Variants in SULT1C3 observed in about 807,000 individuals in gnomAD.
SULT1C3 encodes sulfotransferase family 1C member 3.
Under a neutral mutation model 28.4 loss-of-function variants are expected in SULT1C3, and 31 were observed. That is an observed-to-expected ratio of 1.09 (90% CI 0.82 to 1.47). The LOEUF is 1.47. SULT1C3 is among the 40% of genes most tolerant of loss of function. SULT1C3 has a pLI of 0.00. For synonymous variants in SULT1C3, 106 were observed against 92.2 expected (o/e 1.15, Z -0.86); for missense variants, 307 against 272.5 (o/e 1.13, Z -0.89).
intron 1 of SULT1C3, among the ~76,000 whole-genome samples, chr2:108,241,985 ACCAGGTGTGGATCCTAGGAC>A (rs1183077845): frequency 7.2e-5 from 11 of 151,942 alleles, no homozygotes; most frequent in African/African-American, 2.7e-4. Context: ...TTAATTATAT[ACCAGGTGTGGATCCTAGGAC>A]CCAGACAGAA....
downstream of SULT1C3, among the ~76,000 whole-genome samples, chr2:108,261,381 C>G (rs1444089411): frequency 6.6e-6 from 1 of 152,156 alleles, no homozygotes; most frequent in East Asian, 1.9e-4. Flanking sequence ...TGCACCATGA[C>G]TATGCATTGC....
At chr2:108,257,191 CT>C (rs1267239732) in intron 5 of SULT1C3, among the ~76,000 whole-genome samples, 1 of 151,750 alleles carries the variant, frequency 6.6e-6, no homozygotes, top group African/African-American at 2.4e-5. Context: ...TATGGGTGGT[CT>C]TTATGCAATC....
chr2:108,263,202 C>T (rs1419772331), downstream of SULT1C3, among the ~76,000 whole-genome samples: 1 of 151,298 alleles, frequency 6.6e-6, no homozygotes, highest in East Asian at 1.9e-4. Flanking sequence ...TTCTTCAGAG[C>T]CCCAATAAAA....
At position 108,247,379 on chromosome 2, in the gene SULT1C3, A is replaced by C; in HGVS notation, c.172+13A>C. 6.6e-7 allele frequency: 1 copy of C among 1,517,686 alleles called. No individual in the cohort carries two copies. The allele number at this position is 1,517,686 out of a possible 1,614,324, so 94.0% of individuals were successfully genotyped here. On this transcript the variant is annotated intron_variant, in intron 2 of 7. Coordinates refer to ENST00000681802, the MANE Select transcript of SULT1C3 (RefSeq NM_001320878.2). ...TACCCAAAGTCAGGTAAGGGTAGCA[A>C]AACATAAAAATATTCAATATTTTCA...
At chr2:108,261,106 T>C (rs772747236), downstream of SULT1C3, among the ~76,000 whole-genome samples, 1 of 152,158 alleles carries the variant, frequency 6.6e-6, no homozygotes. Context: ...TATGTATAAA[T>C]AATAACTTCC....
At chr2:108,261,869 A>G (rs977637259), downstream of SULT1C3, among the ~76,000 whole-genome samples, 4 of 152,090 alleles carry the variant, frequency 2.6e-5, no homozygotes, top group African/African-American at 9.7e-5. Context: ...TCTCTAGTCA[A>G]CTGGATGGAA....
chr2:108,265,103 C>A (rs1676104902), downstream of SULT1C3: 3 of 1,474,374 alleles, frequency 2.0e-6, no homozygotes, highest in Non-Finnish European at 2.8e-6. Context: ...ATTATTTATT[C>A]TTTCCAGCAG....
intron 5 of SULT1C3, 62 bp downstream of exon 5, chr2:108,255,760 G>T (rs1675853296): frequency 6.5e-7 from 1 of 1,548,696 alleles, no homozygotes; most frequent in African/African-American, 1.4e-5. Context: ...AAGCACCTCT[G>T]TAAACTGGAG....
At chr2:108,263,131 A>G (rs1676060266), downstream of SULT1C3, among the ~76,000 whole-genome samples, 1 of 152,140 alleles carries the variant, frequency 6.6e-6, no homozygotes, top group South Asian at 2.1e-4. Context: ...CTGTTAAACT[A>G]CTGAGGTTTG....
chr2:108,251,166 T>G (rs1361690776), intron 2 of SULT1C3, among the ~76,000 whole-genome samples: 2 of 151,998 alleles, frequency 1.3e-5, no homozygotes, highest in East Asian at 3.9e-4. Context: ...AGAGAAAGAA[T>G]TTAGAGGAAT....
intron 3 of SULT1C3, among the ~76,000 whole-genome samples, chr2:108,253,123 C>T (rs1210077268): frequency 6.6e-6 from 1 of 151,978 alleles, no homozygotes; most frequent in Non-Finnish European, 1.5e-5. Context: ...AAAGAGCTTT[C>T]CTGAAAGTCT....
Position 108,255,607 on chromosome 2 carries a change from G to C in SULT1C3, c.435G>C (p.Leu145=). 6.2e-7 allele frequency: 1 copy of C among 1,611,722 alleles called. No individual in the cohort carries two copies. Among genetic ancestry groups the C allele is most frequent in the South Asian group, 1.1e-5 (1 of 90,968 alleles). ...VYVARNPKDC[L]VSYYHFHRMA... ...TGGCCAGAAATCCCAAGGATTGCCT[G>C]GTGTCCTACTACCACTTTCACAGGA... Residue 145 remains leucine (L), a synonymous_variant, in exon 5 of 8, where the codon CTG becomes CTC. Coordinates refer to ENST00000681802, the MANE Select transcript of SULT1C3 (RefSeq NM_001320878.2).
chr2:108,258,935 T>G lies in SULT1C3; in HGVS notation c.622-31T>G, dbSNP rs570964786. 2.1e-5 allele frequency: 17 copies of G among 805,710 alleles called. No homozygotes were observed. The African/African-American group carries it at 2.3e-4, about 11-fold the overall frequency. The allele number at this position is 805,710 out of a possible 1,614,324, so 49.9% of individuals were successfully genotyped here. On this transcript the variant is annotated intron_variant, in intron 6 of 7. Transcript: ENST00000681802. The stretch of plus-strand genomic sequence containing the variant: ...GGCCAAGTTCTTCTTCTTTCCTCCC[T>G]CTTCACAATGCCTTTTTCTCCCATG...
Position 108,255,575 on chromosome 2 carries a change from G to A in SULT1C3, c.403G>A (p.Val135Ile), listed in dbSNP as rs774542688. 9 of 1,610,750 alleles carry A rather than the reference G, an allele frequency of 5.6e-6. No individual in the cohort carries two copies. The highest frequency in any genetic ancestry group is 1.7e-4 in the Middle Eastern group (1 of 6,030). Residue 135 changes from valine (V) to isoleucine (I), a missense_variant, in exon 5 of 8, where the codon GTC becomes ATC. Coordinates refer to ENST00000681802, the MANE Select transcript of SULT1C3 (RefSeq NM_001320878.2). ...CCTTCCCTCTCCTTGATTTCAGATTGTCTATGTGGCCAGAAATCCCAAGGA... is the reference window on the plus strand; with the variant it reads ...CCTTCCCTCTCCTTGATTTCAGATTATCTATGTGGCCAGAAATCCCAAGGA... ...PSIWKENCKI[V>I]YVARNPKDCL...
At chr2:108,241,692 C>G (rs1675463065) in intron 1 of SULT1C3, among the ~76,000 whole-genome samples, 1 of 152,072 alleles carries the variant, frequency 6.6e-6, no homozygotes, top group South Asian at 2.1e-4. Context: ...CTTTGGGAGG[C>G]CCAGGTGGGT....
chr2:108,253,037 AAG>A (rs1181851504), intron 3 of SULT1C3, among the ~76,000 whole-genome samples: 4 of 152,004 alleles, frequency 2.6e-5, no homozygotes, highest in Non-Finnish European at 4.4e-5. Context: ...TGACAAACAA[AAG>A]AGAGAGAGAA....
intron 4 of SULT1C3, among the ~76,000 whole-genome samples, chr2:108,254,216 C>A (rs972377553): frequency 6.6e-6 from 1 of 152,026 alleles, no homozygotes; most frequent in Non-Finnish European, 1.5e-5. Context: ...ATCTCCTCCC[C>A]AGGGTCTTCC....
intron 5 of SULT1C3, 88 bp downstream of exon 5, chr2:108,255,786 G>A: frequency 6.8e-7 from 1 of 1,479,834 alleles, no homozygotes; most frequent in Non-Finnish European, 9.0e-7. Context: ...AGTTACAAAA[G>A]GCCATCCTGA....
At position 108,255,696 on chromosome 2, in the gene SULT1C3, A is replaced by G; in HGVS notation, c.524A>G (p.Lys175Arg). The change falls in exon 5 of 8, where the codon AAA becomes AGA. Residue 175 changes from lysine to arginine, a missense_variant and splice_region_variant. Coordinates refer to ENST00000681802, the MANE Select transcript of SULT1C3 (RefSeq NM_001320878.2). ...EEFYEKFMSG[K>R]VVGGSWFDHV... ...TTTTATGAGAAATTCATGTCCGGAAAAGGTGAGTTCAAACTGATCTTTTTG... is the reference window on the plus strand; with the variant it reads ...TTTTATGAGAAATTCATGTCCGGAAGAGGTGAGTTCAAACTGATCTTTTTG... 1 of 1,609,946 alleles carries G rather than the reference A, an allele frequency of 6.2e-7. No individual in the cohort carries two copies. The highest frequency in any genetic ancestry group is 8.5e-7 in the Non-Finnish European group (1 of 1,177,342).
Sources: allele counts gnomAD v4.1 joint callset (sites outside exome capture counted in the v4.1 genomes callset), GRCh38; gene constraint gnomAD v4.1.1; transcripts MANE v1.5; gene names NCBI Gene and HGNC (gene_info 2026-07-23, HGNC 2026-07-21).